VPS35L: variants seen among roughly 807,000 people sequenced by gnomAD.
VPS35L encodes VPS35 endosomal protein sorting factor like, also known as VPS35 endosomal protein-sorting factor-like.
Under a neutral mutation model 133.0 loss-of-function variants are expected in VPS35L, and 83 were observed. The ratio of observed to expected loss-of-function variants is 0.62; its 90% CI spans 0.52 to 0.75. The LOEUF is 0.75. Ranked by LOEUF, VPS35L falls within the 30% of genes least tolerant of loss-of-function variation. The probability of loss-of-function intolerance (pLI) is 0.00; values close to 1 mark genes in which losing one functional copy is unlikely to be tolerated. For synonymous variants in VPS35L, 423 were observed against 449.9 expected, an observed-to-expected ratio of 0.94 and a Z score of 0.76; for missense variants, 1,083 against 1,206.8, an observed-to-expected ratio of 0.90 and a Z score of 1.52.
At chr16:19,566,761 C>CT (rs550999511) in intron 2 of VPS35L, among the ~76,000 whole-genome samples, 8 of 149,092 alleles carry the variant, frequency 5.4e-5, no homozygotes, top group South Asian at 2.2e-4. Flanking sequence ...CCTTTTTTTT[C>CT]TTTTTTTTGA....
intron 8 of VPS35L, among the ~76,000 whole-genome samples, chr16:19,600,258 G>GAAA (rs10596954): frequency 6.9e-6 from 1 of 145,744 alleles, no homozygotes; most frequent in Admixed American, 6.9e-5. Context: ...AAAGGGTTAT[G>GAAA]AAAAAAAAAA....
At chr16:19,667,088 C>A (rs963460746) in intron 26 of VPS35L, among the ~76,000 whole-genome samples, 1 of 151,880 alleles carries the variant, frequency 6.6e-6, no homozygotes, top group South Asian at 2.1e-4. Context: ...CTCAGCCTCC[C>A]GAGTAGCTGG....
chr16:19,651,878 G>T (rs989689007), intron 25 of VPS35L, 98 bp from the exon 26 acceptor site: 2 of 892,882 alleles, frequency 2.2e-6, no homozygotes, highest in Admixed American at 2.0e-5. Context: ...ATTCACTGTT[G>T]TAAGTTTCTT....
In VPS35L at chr16:19,579,037, A is replaced by G. The variant is rs368721670; in HGVS notation, c.434-15A>G. ...GAGAAAAGCCACCTGTGTGACGTAAATTCATTCTGTTTAGGCAAAGCTGGG... is the reference window on the plus strand; with the variant it reads ...GAGAAAAGCCACCTGTGTGACGTAAGTTCATTCTGTTTAGGCAAAGCTGGG... On this transcript the variant is annotated splice_polypyrimidine_tract_variant and intron_variant, in intron 5 of 30. Coordinates refer to ENST00000417362, the MANE Select transcript of VPS35L (RefSeq NM_020314.7). 2.5e-6 allele frequency: 4 copies of G among 1,613,558 alleles called. No individual in the cohort carries two copies. The highest frequency in any genetic ancestry group is 3.4e-6 in the Non-Finnish European group (4 of 1,179,822).
At chr16:19,578,447 G>A (rs554842359) in intron 5 of VPS35L, 3 of 386,118 alleles carry the variant, frequency 7.8e-6, no homozygotes, top group South Asian at 2.0e-5. Flanking sequence ...GCCGCAGAGG[G>A]CAGCAGTCAG....
At chr16:19,623,088 A>C (rs1973135893) in intron 14 of VPS35L, among the ~76,000 whole-genome samples, 1 of 152,142 alleles carries the variant, frequency 6.6e-6, no homozygotes, top group Non-Finnish European at 1.5e-5. Flanking sequence ...ACCTTTCTCC[A>C]AATCCCCCCG....
chr16:19,611,518 C>T (rs1396277603), intron 12 of VPS35L, among the ~76,000 whole-genome samples: 1 of 152,138 alleles, frequency 6.6e-6, no homozygotes, highest in Non-Finnish European at 1.5e-5. Flanking sequence ...AAGGCGAGAA[C>T]ATGTAGCCTG....
chr16:19,690,735 G>A (rs765312412), intron 28 of VPS35L, among the ~76,000 whole-genome samples: 1 of 152,166 alleles, frequency 6.6e-6, no homozygotes, highest in Non-Finnish European at 1.5e-5. Context: ...CGGATCACTT[G>A]AGGTCAGGAG....
chr16:19,560,726 G>A (rs752193375), intron 1 of VPS35L, among the ~76,000 whole-genome samples: 1 of 151,922 alleles, frequency 6.6e-6, no homozygotes, highest in Non-Finnish European at 1.5e-5. Flanking sequence ...AATCCAGGAG[G>A]CGGAGGTTGC....
At chr16:19,684,914 C>T (rs1248256689) in intron 28 of VPS35L, among the ~76,000 whole-genome samples, 4 of 152,024 alleles carry the variant, frequency 2.6e-5, no homozygotes, top group Non-Finnish European at 4.4e-5. Context: ...AAAAAATTAG[C>T]CAGGCTGTTG....
chr16:19,574,791 C>T (rs114823928), intron 4 of VPS35L, among the ~76,000 whole-genome samples: 2,714 of 152,184 alleles, frequency 0.018, 91 homozygotes, highest in African/African-American at 0.063. Flanking sequence ...CAGAATTAAT[C>T]TCCCACAAAA....
At position 19,610,353 on chromosome 16, in the gene VPS35L, T is replaced by G; in HGVS notation, c.961T>G (p.Cys321Gly). ...TTCAGAGTGCCTGCCCCGGTTGACA[T>G]GCATGATCAGAGGGATCGGAGACCC... ...GISECLPRLT[C>G]MIRGIGDPLV... Residue 321 changes from cysteine (C) to glycine (G), a missense_variant, in exon 12 of 31, where the codon TGC becomes GGC. Physicochemically the swap from Cys to Gly is radical, Grantham distance 159. Coordinates refer to ENST00000417362, the MANE Select transcript of VPS35L (RefSeq NM_020314.7). The G allele has an allele frequency of 6.2e-7, 1 of 1,614,160 alleles. No individual in the cohort carries two copies.
At chr16:19,617,430 C>T (rs1040696053) in intron 14 of VPS35L, 13 of 158,164 alleles carry the variant, frequency 8.2e-5, no homozygotes, top group Non-Finnish European at 1.3e-4. Flanking sequence ...CCAGGGCCAA[C>T]AAGCCTTATT....
intron 2 of VPS35L, among the ~76,000 whole-genome samples, chr16:19,568,200 G>A (rs1470115378): frequency 2.0e-5 from 3 of 152,058 alleles, no homozygotes; most frequent in African/African-American, 4.8e-5. Flanking sequence ...GAAGAGCTAC[G>A]TAGGGTGAGG....
chr16:19,579,449 A>C (rs774961739), intron 6 of VPS35L: 2 of 191,172 alleles, frequency 1.0e-5, no homozygotes, highest in Non-Finnish European at 1.1e-5. Context: ...TAATCCCAGC[A>C]CTTTGGGAGG....
At chr16:19,584,781 T>C (rs1470623230) in intron 7 of VPS35L, among the ~76,000 whole-genome samples, 1 of 151,832 alleles carries the variant, frequency 6.6e-6, no homozygotes, top group African/African-American at 2.4e-5. Context: ...AGCCTAGAAG[T>C]CCCAGACTCA....
intron 7 of VPS35L, among the ~76,000 whole-genome samples, chr16:19,587,780 T>C (rs2151523917): frequency 6.6e-6 from 1 of 151,668 alleles, no homozygotes; most frequent in East Asian, 1.9e-4. Context: ...TCAATCCTTA[T>C]GCCAGTTCCA....
intron 14 of VPS35L, chr16:19,617,527 C>G (rs1972935403): frequency 6.6e-6 from 1 of 152,208 alleles, no homozygotes; most frequent in African/African-American, 2.4e-5. Context: ...GGAAGGAAAA[C>G]AAAACTCAGA....
At chr16:19,628,410 A>G (rs1372136132) in intron 16 of VPS35L, among the ~76,000 whole-genome samples, 1 of 152,224 alleles carries the variant, frequency 6.6e-6, no homozygotes, top group Non-Finnish European at 1.5e-5. Flanking sequence ...AACTTTGTCC[A>G]GTAGAATATT....
Sources: gnomAD v4.1 joint callset for allele counts (sites outside exome capture counted in the v4.1 genomes callset) on GRCh38, gnomAD v4.1.1 for gene constraint, MANE v1.5 for transcripts, NCBI Gene and HGNC (gene_info 2026-07-23, HGNC 2026-07-21) for gene names.